TCF12: variants seen among roughly 807,000 people sequenced by gnomAD.
TCF12 encodes transcription factor 12.
Under a neutral mutation model 86.0 loss-of-function variants are expected in TCF12, and 45 were observed. The observed-to-expected ratio is 0.52, with a 90% CI of 0.41 to 0.67. The LOEUF (loss-of-function observed/expected upper bound fraction) is 0.67. TCF12 is among the 30% of genes least tolerant of loss of function. The probability of loss-of-function intolerance (pLI) is 0.00; values close to 1 mark genes in which losing one functional copy is unlikely to be tolerated. For synonymous variants in TCF12, 330 were observed against 299.6 expected (o/e 1.10, Z -1.05); for missense variants, 881 against 859.9 (o/e 1.02, Z -0.31).
At chr15:57,232,608 C>T in intron 10 of TCF12, 104 bp from the exon 11 acceptor site, 5 of 1,447,140 alleles carry the variant, frequency 3.5e-6, no homozygotes, top group Non-Finnish European at 4.7e-6. Context: ...TGCTCTTTAG[C>T]TGTAACTTGT....
intron 1 of TCF12, 197 bp from the exon 2 acceptor site, chr15:56,919,695 G>C (rs1232577974): frequency 1.2e-5 from 5 of 413,138 alleles, no homozygotes; most frequent in African/African-American, 1.0e-4. Flanking sequence ...GGCGAGGAAC[G>C]CGTGGATTCC....
intron 8 of TCF12, among the ~76,000 whole-genome samples, chr15:57,217,421 G>A (rs1439705115): frequency 6.6e-6 from 1 of 152,000 alleles, no homozygotes; most frequent in Non-Finnish European, 1.5e-5. Context: ...AATTTTCATT[G>A]TGCTTTAATA....
intron 3 of TCF12, among the ~76,000 whole-genome samples, chr15:57,001,641 T>C (rs1197760419): frequency 6.6e-6 from 1 of 152,236 alleles, no homozygotes; most frequent in African/African-American, 2.4e-5. Context: ...CATTCTGGAT[T>C]TGTCTGACTT....
At chr15:57,157,203 T>C (rs955261041) in intron 5 of TCF12, among the ~76,000 whole-genome samples, 9 of 152,198 alleles carry the variant, frequency 5.9e-5, no homozygotes, top group Admixed American at 6.5e-5. Flanking sequence ...TTAAATCGTT[T>C]TTTAAGAATG....
At chr15:57,040,791 A>T (rs1241046773) in intron 3 of TCF12, among the ~76,000 whole-genome samples, 3 of 152,190 alleles carry the variant, frequency 2.0e-5, no homozygotes, top group Non-Finnish European at 4.4e-5. Context: ...GAAAAATTGC[A>T]TTTAGGGTAA....
At chr15:56,958,052 C>A (rs1226716343) in intron 3 of TCF12, among the ~76,000 whole-genome samples, 3 of 152,116 alleles carry the variant, frequency 2.0e-5, no homozygotes, top group Non-Finnish European at 4.4e-5. Flanking sequence ...GGCACTGGTA[C>A]CTTTTATCTT....
Position 57,123,983 on chromosome 15 carries a change from T to A in TCF12, c.325+32092T>A, listed in dbSNP as rs199631135. On this transcript the variant is annotated intron_variant, in intron 5 of 20. Coordinates refer to ENST00000333725, the MANE Select transcript of TCF12 (RefSeq NM_207037.2). ...GACTCCGTCTCAAAAAAAAAAAAAA[T>A]TTTTTTTTTTTTTCCATAGGGACAC... Among the ~76,000 whole-genome samples, 32 of 54,616 alleles carry A rather than the reference T, an allele frequency of 5.9e-4. 1 individual carries two copies. The highest frequency in any genetic ancestry group is 2.1e-3 in the Admixed American group (10 of 4,786). The allele number at this position is 54,616 out of a possible 152,430, so 35.8% of individuals were successfully genotyped here. A position where few individuals can be genotyped will look rare whatever the true frequency, so the allele number is the denominator to read the frequency against.
intron 3 of TCF12, among the ~76,000 whole-genome samples, chr15:56,975,769 T>A (rs1219891354): frequency 6.6e-6 from 1 of 152,000 alleles, no homozygotes; most frequent in Non-Finnish European, 1.5e-5. Flanking sequence ...AAAAGTCAAA[T>A]TTTCTTTGTA....
intron 5 of TCF12, chr15:57,109,404 A>T (rs1301840912): frequency 6.6e-6 from 1 of 152,246 alleles, no homozygotes; most frequent in African/African-American, 2.4e-5. Context: ...GGCAGTTAGA[A>T]GTCTGCACAA....
At position 57,052,906 on chromosome 15, in the gene TCF12, G is replaced by A. The variant is rs75179879; in HGVS notation, c.149-10844G>A. 1.7e-3 allele frequency among the ~76,000 whole-genome samples: 258 copies of A among 152,204 alleles called. 6 individuals carry two copies. In the East Asian group the frequency reaches 0.042, roughly 25 times the overall value. On this transcript the variant is annotated intron_variant, in intron 3 of 20. Coordinates refer to ENST00000333725, the MANE Select transcript of TCF12 (RefSeq NM_207037.2). ...CCACATTTTTACTATTGTGAATAATGCTGCAGTTGACATGGGAATACAGAT... is the reference window on the plus strand; with the variant it reads ...CCACATTTTTACTATTGTGAATAATACTGCAGTTGACATGGGAATACAGAT...
At chr15:57,200,047 T>G (rs1296506734) in intron 8 of TCF12, among the ~76,000 whole-genome samples, 1 of 146,188 alleles carries the variant, frequency 6.8e-6, no homozygotes, top group East Asian at 2.1e-4. Flanking sequence ...ACGGCTGGCT[T>G]TTTTTTTTTT....
At chr15:57,201,418 GT>G (rs2057537308) in intron 8 of TCF12, among the ~76,000 whole-genome samples, 1 of 152,158 alleles carries the variant, frequency 6.6e-6, no homozygotes, top group Admixed American at 6.6e-5. Context: ...CAGCTCATCT[GT>G]TAGAGAAGGA....
intron 16 of TCF12, among the ~76,000 whole-genome samples, chr15:57,256,753 T>G (rs1237036205): frequency 6.6e-6 from 1 of 152,216 alleles, no homozygotes; most frequent in Non-Finnish European, 1.5e-5. Flanking sequence ...GAGGTCAGCT[T>G]CTTTCAAAGA....
intron 13 of TCF12, among the ~76,000 whole-genome samples, chr15:57,250,485 T>C (rs2060057154): frequency 6.6e-6 from 1 of 152,166 alleles, no homozygotes; most frequent in Non-Finnish European, 1.5e-5. Context: ...TTCCACCACT[T>C]TGTGAGGCTG....
At chr15:57,140,682 A>T (rs1316343576) in intron 5 of TCF12, among the ~76,000 whole-genome samples, 2 of 152,196 alleles carry the variant, frequency 1.3e-5, no homozygotes, top group African/African-American at 4.8e-5. Context: ...GCCTTTGTGT[A>T]TATTTATGCA....
At chr15:57,084,601 G>T (rs767541346) in intron 4 of TCF12, among the ~76,000 whole-genome samples, 3 of 152,068 alleles carry the variant, frequency 2.0e-5, no homozygotes, top group African/African-American at 7.2e-5. Flanking sequence ...CCCAGAATTT[G>T]CCAATAAGTC....
chr15:57,201,054 T>C lies in TCF12; in HGVS notation c.579+3229T>C, dbSNP rs1031555629. Among the ~76,000 whole-genome samples the C allele has an allele frequency of 4.6e-5, 7 of 152,112 alleles. No individual in the cohort carries two copies. The South Asian group carries it at 1.2e-3, about 27-fold the overall frequency. On this transcript the variant is annotated intron_variant, in intron 8 of 20. Transcript: ENST00000333725. ...TGCTCAATAAATAACCAAAAAAGAATAGTGAGCATAGTTTTCTTCCTCCTG... is the reference window on the plus strand; with the variant it reads ...TGCTCAATAAATAACCAAAAAAGAACAGTGAGCATAGTTTTCTTCCTCCTG...
At chr15:56,960,430 A>ATTTT (rs5812861) in intron 3 of TCF12, among the ~76,000 whole-genome samples, 2 of 128,602 alleles carry the variant, frequency 1.6e-5, no homozygotes, top group African/African-American at 5.6e-5. Flanking sequence ...ACTGTATTGT[A>ATTTT]TTTTTTTTTT....
chr15:57,232,412 T>C lies in TCF12; in HGVS notation c.807T>C (p.Leu269=). Residue 269 remains leucine (L), a synonymous_variant, in exon 10 of 21, where the codon CTT becomes CTC. Coordinates refer to ENST00000333725, the MANE Select transcript of TCF12 (RefSeq NM_207037.2). The part of the protein sequence containing the change: ...HMSQSSSYGN[L]HSHDRLSYPP... Reference sequence around the variant, plus strand: ...CTCAATCCAGTAGTTATGGCAACCTTCATTCACATGACCGCTTGGTAGGCT... The same window carrying C: ...CTCAATCCAGTAGTTATGGCAACCTCCATTCACATGACCGCTTGGTAGGCT... The C allele has an allele frequency of 1.2e-6, 2 of 1,608,690 alleles. No homozygotes were observed. The highest frequency in any genetic ancestry group is 1.7e-6 in the Non-Finnish European group (2 of 1,178,482).
Sources: allele counts gnomAD v4.1 joint callset (sites outside exome capture counted in the v4.1 genomes callset), GRCh38; gene constraint gnomAD v4.1.1; transcripts MANE v1.5; gene names NCBI Gene and HGNC (gene_info 2026-07-23, HGNC 2026-07-21).